Variants in KIAA1217 observed in about 807,000 individuals in gnomAD.
The protein encoded by KIAA1217 is sickle tail protein homolog.
In KIAA1217, 88 loss-of-function variants were observed where a neutral mutation model predicts 163.9. The observed-to-expected ratio is 0.54, with a 90% CI of 0.45 to 0.64. The LOEUF (loss-of-function observed/expected upper bound fraction) is 0.64. KIAA1217 is among the 30% of genes least tolerant of loss of function. The probability of loss-of-function intolerance (pLI) is 0.00; values close to 1 mark genes in which losing one functional copy is unlikely to be tolerated. For synonymous variants in KIAA1217, 903 were observed against 923.1 expected (o/e 0.98, Z 0.39); for missense variants, 2,372 against 2,475.0 (o/e 0.96, Z 0.88).
At chr10:23,908,741 A>G (rs1383938064) in intron 1 of KIAA1217, among the ~76,000 whole-genome samples, 3 of 152,104 alleles carry the variant, frequency 2.0e-5, no homozygotes, top group African/African-American at 7.2e-5. Context: ...CAAAAAATCA[A>G]AAAATAATAG....
intron 1 of KIAA1217, among the ~76,000 whole-genome samples, chr10:24,002,568 A>G (rs1846794368): frequency 1.3e-5 from 2 of 152,216 alleles, no homozygotes; most frequent in African/African-American, 4.8e-5. Context: ...ACATTAAACC[A>G]GCAATCACTG....
chr10:24,382,795 C>T (rs2053477413), intron 3 of KIAA1217, among the ~76,000 whole-genome samples: 1 of 151,632 alleles, frequency 6.6e-6, no homozygotes, highest in African/African-American at 2.4e-5. Context: ...ACACCGTCAC[C>T]AGGCTGGGGC....
chr10:24,211,936 TG>T (rs1253695735), intron 1 of KIAA1217, among the ~76,000 whole-genome samples: 1 of 151,834 alleles, frequency 6.6e-6, no homozygotes, highest in Non-Finnish European at 1.5e-5. Flanking sequence ...CCCAGCTACT[TG>T]GGAGGCTGAG....
intron 1 of KIAA1217, among the ~76,000 whole-genome samples, chr10:23,813,284 A>G (rs536580812): frequency 6.6e-6 from 1 of 152,186 alleles, no homozygotes; most frequent in East Asian, 1.9e-4. Context: ...TTGTCTTTAT[A>G]TCATTGTAAT....
chr10:24,236,784 TG>T (rs2072334989), intron 2 of KIAA1217, among the ~76,000 whole-genome samples: 1 of 151,952 alleles, frequency 6.6e-6, no homozygotes, highest in Non-Finnish European at 1.5e-5. Flanking sequence ...CCCAAGTAGC[TG>T]GGACTAGAGG....
chr10:23,930,109 G>C (rs142530775), intron 1 of KIAA1217, among the ~76,000 whole-genome samples: 1,821 of 151,672 alleles, frequency 0.012, 28 homozygotes, highest in African/African-American at 0.042. Flanking sequence ...ATCTCATTGT[G>C]GTTTTAATTT....
intron 1 of KIAA1217, among the ~76,000 whole-genome samples, chr10:23,838,978 A>T (rs927110756): frequency 6.6e-6 from 1 of 152,052 alleles, no homozygotes; most frequent in African/African-American, 2.4e-5. Flanking sequence ...CATATTTGTC[A>T]TGTTCTTTAT....
intron 1 of KIAA1217, among the ~76,000 whole-genome samples, chr10:23,895,237 A>G (rs1023836931): frequency 4.6e-5 from 7 of 152,280 alleles, no homozygotes; most frequent in Admixed American, 2.6e-4. Context: ...TTCACAAACT[A>G]TTCATCTGAC....
intron 1 of KIAA1217, among the ~76,000 whole-genome samples, chr10:23,852,349 G>A (rs1027808384): frequency 2.0e-5 from 3 of 151,998 alleles, no homozygotes. Flanking sequence ...ATTTCTGAGG[G>A]CTCTGTTCTG....
chr10:23,815,768 T>G (rs1279479996), intron 1 of KIAA1217, among the ~76,000 whole-genome samples: 1 of 152,166 alleles, frequency 6.6e-6, no homozygotes, highest in Non-Finnish European at 1.5e-5. Context: ...ATAATGAGTT[T>G]GAGTGCATTT....
In KIAA1217 at chr10:23,921,758, T is replaced by C. The variant is rs555393337; in HGVS notation, c.-320-85467T>C. ...TTGTCTTTTCAGAACAGAAGCCCCA[T>C]GAACATGGTTCATAGTTAACCACTC... On this transcript the variant is annotated intron_variant, in intron 1 of 18. Coordinates refer to the KIAA1217 transcript ENST00000376462. Among the ~76,000 whole-genome samples, 14 of 152,288 alleles carry C rather than the reference T, an allele frequency of 9.2e-5. No homozygotes were observed. In the South Asian group the frequency reaches 2.5e-3, roughly 27 times the overall value.
intron 1 of KIAA1217, among the ~76,000 whole-genome samples, chr10:23,872,306 T>C (rs1310798586): frequency 6.6e-6 from 1 of 151,960 alleles, no homozygotes; most frequent in African/African-American, 2.4e-5. Flanking sequence ...TTAAAAGACT[T>C]AGGAGAGATA....
intron 2 of KIAA1217, among the ~76,000 whole-genome samples, chr10:24,102,795 GTGA>G (rs1208785032): frequency 6.6e-6 from 1 of 152,170 alleles, no homozygotes; most frequent in African/African-American, 2.4e-5. Context: ...AATACAATGG[GTGA>G]TATGTTTGGC....
At chr10:24,205,242 C>T (rs916838316), upstream of KIAA1217, among the ~76,000 whole-genome samples, 3 of 135,728 alleles carry the variant, frequency 2.2e-5, no homozygotes, top group Admixed American at 8.6e-5. Flanking sequence ...GAATTACCTG[C>T]GGTCAGGAGT....
chr10:23,896,665 G>T (rs1328163770), intron 1 of KIAA1217, among the ~76,000 whole-genome samples: 1 of 151,990 alleles, frequency 6.6e-6, no homozygotes, highest in African/African-American at 2.4e-5. Context: ...TTTGAAGGAG[G>T]CATCCTAAAG....
chr10:24,236,201 C>T (rs560388000), intron 2 of KIAA1217, among the ~76,000 whole-genome samples: 7 of 152,146 alleles, frequency 4.6e-5, no homozygotes, highest in Non-Finnish European at 1.0e-4. Context: ...TATTCCTTTT[C>T]TACCTGACAA....
At chr10:24,086,629 G>A (rs1358533796) in intron 2 of KIAA1217, among the ~76,000 whole-genome samples, 1 of 152,168 alleles carries the variant, frequency 6.6e-6, no homozygotes. Context: ...GTTTAATGGA[G>A]AGTATGTTTT....
chr10:23,716,176 G>A (rs1837558316), intron 1 of KIAA1217, among the ~76,000 whole-genome samples: 1 of 152,116 alleles, frequency 6.6e-6, no homozygotes, highest in Non-Finnish European at 1.5e-5. Flanking sequence ...TAGATGTTGT[G>A]CACACAATAT....
intron 1 of KIAA1217, among the ~76,000 whole-genome samples, chr10:23,921,420 G>A (rs1017541604): frequency 1.3e-5 from 2 of 152,148 alleles, no homozygotes; most frequent in Non-Finnish European, 2.9e-5. Flanking sequence ...GAATAATTTA[G>A]CTTAAGATTC....
Sources: allele counts gnomAD v4.1 joint callset (sites outside exome capture counted in the v4.1 genomes callset), GRCh38; gene constraint gnomAD v4.1.1; transcripts MANE v1.5; gene names NCBI Gene and HGNC (gene_info 2026-07-23, HGNC 2026-07-21).